The following YLPM1 variants were observed in gnomAD, a reference collection of about 807,000 sequenced individuals.
YLPM1 encodes the protein YLP motif-containing protein 1.
A neutral mutation model predicts 230.0 loss-of-function variants in YLPM1; 99 were observed. That is an observed-to-expected ratio of 0.43 (90% confidence interval 0.37 to 0.51). The LOEUF is 0.51. YLPM1 is among the 20% of genes least tolerant of loss of function. YLPM1 has a pLI of 0.00. For missense variants in YLPM1, 2,592 were observed against 2,707.7 expected (o/e 0.96, Z 0.95); for synonymous variants, 984 against 942.5 (o/e 1.04, Z -0.81).
At chr14:74,811,793 T>G in intron 10 of YLPM1, 55 bp downstream of exon 10, 2 of 1,201,562 alleles carry the variant, frequency 1.7e-6, no homozygotes, top group Non-Finnish European at 2.3e-6. Context: ...GCATGGGAGA[T>G]GCTTTCCATT....
At chr14:74,818,432 A>G in intron 16 of YLPM1, 118 bp downstream of exon 16, 1 of 673,588 alleles carries the variant, frequency 1.5e-6, no homozygotes, top group South Asian at 3.1e-5. Flanking sequence ...AAGAACACCT[A>G]CTGATATGCC....
At chr14:74,816,110 C>T in intron 11 of YLPM1, 93 bp from the exon 12 acceptor site, 1 of 1,166,736 alleles carries the variant, frequency 8.6e-7, no homozygotes, top group Non-Finnish European at 1.2e-6. Context: ...TATAGTCTAT[C>T]CTGGAAAATG....
chr14:74,835,540 C>T (rs770364870), intron 20 of YLPM1, 93 bp downstream of exon 20: 20 of 1,082,326 alleles, frequency 1.8e-5, no homozygotes, highest in Admixed American at 1.0e-4. Flanking sequence ...AAAATGCTCT[C>T]TTCTTGTGTT....
chr14:74,829,128 G>T (rs571504368), intron 18 of YLPM1, 85 bp from the exon 19 acceptor site: 13 of 1,547,078 alleles, frequency 8.4e-6, no homozygotes, highest in Non-Finnish European at 1.1e-5. Flanking sequence ...CTCTGAAAGC[G>T]TTCCAGCCTT....
chr14:74,805,464 C>T (rs113760079), intron 6 of YLPM1, among the ~76,000 whole-genome samples: 2,254 of 151,946 alleles, frequency 0.015, 52 homozygotes, highest in African/African-American at 0.052. Context: ...TCACCTCAGC[C>T]TCCTGAGTAA....
chr14:74,793,369 G>A (rs1172474844), intron 4 of YLPM1, among the ~76,000 whole-genome samples: 1 of 152,018 alleles, frequency 6.6e-6, no homozygotes, highest in Non-Finnish European at 1.5e-5. Flanking sequence ...TGTACTTCCT[G>A]AGATACTTTA....
chr14:74,786,218 C>T (rs959948823), intron 4 of YLPM1, among the ~76,000 whole-genome samples: 3 of 151,896 alleles, frequency 2.0e-5, no homozygotes, highest in African/African-American at 7.3e-5. Flanking sequence ...CTAAAATTAG[C>T]TGGCATGGTA....
chr14:74,823,480 A>G (rs2091539095), intron 17 of YLPM1, among the ~76,000 whole-genome samples: 1 of 152,128 alleles, frequency 6.6e-6, no homozygotes, highest in Admixed American at 6.5e-5. Flanking sequence ...ACACTGGGAA[A>G]TTTGAAAATC....
In YLPM1 at chr14:74,812,790, C is replaced by A. The variant is rs3815629; in HGVS notation, c.5502+8C>A. On this transcript the variant is annotated splice_region_variant and intron_variant, in intron 11 of 20. Coordinates refer to ENST00000325680, the MANE Select transcript of YLPM1 (RefSeq NM_019589.3). ...GAGAGCAGACCTGAGAGAGTGAGTC[C>A]TATGAAGTTGATTCGTCTTCGTGCA... The A allele has an allele frequency of 3.1e-6, 5 of 1,609,932 alleles. No homozygotes were observed. The Admixed American group carries it at 8.4e-5, about 27-fold the overall frequency.
chr14:74,821,416 A>C (rs1288837967), intron 17 of YLPM1: 1 of 261,758 alleles, frequency 3.8e-6, no homozygotes, highest in Non-Finnish European at 7.3e-6. Context: ...ATACCTTTTA[A>C]GAAAATCAAT....
chr14:74,771,328 C>G (rs776194638), intron 1 of YLPM1, among the ~76,000 whole-genome samples: 1 of 152,096 alleles, frequency 6.6e-6, no homozygotes, highest in Non-Finnish European at 1.5e-5. Context: ...ATAGATGAAG[C>G]CTCTCAAGGA....
At position 74,769,259 on chromosome 14, in the gene YLPM1, C is replaced by CTTTTTTTTTT. The variant is rs34023289; in HGVS notation, c.873+4917_873+4926dup. ...CCGGCTAATTTTTTTGTATTTTTAT[C>CTTTTTTTTTT]TTTTTTTTTTTTTTTTTTTTTTTTT... On this transcript the variant is annotated intron_variant, in intron 1 of 20. Coordinates refer to ENST00000325680, the MANE Select transcript of YLPM1 (RefSeq NM_019589.3). Among the ~76,000 whole-genome samples, 29 of 38,410 alleles carry CTTTTTTTTTT rather than the reference C, an allele frequency of 7.6e-4. 2 individuals carry two copies. The highest frequency in any genetic ancestry group is 1.8e-3 in the African/African-American group (24 of 13,604). 25.2% of individuals were successfully genotyped at this position (38,410 alleles called of 152,430 possible).
intron 4 of YLPM1, among the ~76,000 whole-genome samples, chr14:74,785,409 G>A (rs1320674309): frequency 3.3e-5 from 5 of 152,106 alleles, no homozygotes; most frequent in African/African-American, 1.2e-4. Context: ...ACTAGCTTAT[G>A]TCATTGCCAT....
At chr14:74,786,849 C>T (rs2091155485) in intron 4 of YLPM1, among the ~76,000 whole-genome samples, 1 of 152,118 alleles carries the variant, frequency 6.6e-6, no homozygotes, top group Non-Finnish European at 1.5e-5. Flanking sequence ...AGAGTATATA[C>T]ATGTTCTGCG....
In YLPM1 at chr14:74,780,561, A is replaced by T. The variant is rs755242444; in HGVS notation, c.1267A>T (p.Ile423Leu). Residue 423 changes from isoleucine to leucine, a missense_variant, in exon 3 of 21, where the codon ATA (isoleucine) becomes TTA (leucine). Around this residue, in one of 4 missense-constraint regions of YLPM1, gnomAD observed 1,862 missense variants for 1,819.8 expected, o/e 1.02. Coordinates refer to ENST00000325680, the MANE Select transcript of YLPM1 (RefSeq NM_019589.3). ...QQILQQYQQI[I>L]QPPPHIQTMS... ...GATTCTACAACAGTATCAGCAGATT[A>T]TACAGCCCCCACCACATATACAGGC... is the stretch of plus-strand genomic sequence containing the variant. 3 of 1,613,468 alleles carry T rather than the reference A, an allele frequency of 1.9e-6. No homozygotes were observed. Among genetic ancestry groups the T allele is most frequent in the Admixed American group, 1.7e-5 (1 of 59,996 alleles).
chr14:74,798,235 A>G lies in YLPM1; in HGVS notation c.2938A>G (p.Asn980Asp). 1.2e-6 allele frequency: 2 copies of G among 1,613,992 alleles called. No homozygotes were observed. ...AVATSSLTAD[N>D]DFKPVGIGLP... ...AGCAACATCATCATTAACAGCAGAT[A>G]ATGATTTTAAACCTGTGGGTATTGG... is the stretch of plus-strand genomic sequence containing the variant. The change falls in exon 5 of 21, where the codon AAT becomes GAT. Residue 980 changes from asparagine to aspartate, a missense_variant. Physicochemically the swap from Asn to Asp is conservative, Grantham distance 23. This residue lies in a region of YLPM1 where 1,862 missense variants were observed against 1,819.8 expected (regional missense o/e 1.02). Transcript: ENST00000325680.
At chr14:74,764,701 T>C (rs1469929527) in intron 1 of YLPM1, among the ~76,000 whole-genome samples, 1 of 152,222 alleles carries the variant, frequency 6.6e-6, no homozygotes, top group Non-Finnish European at 1.5e-5. Context: ...GTTTTAAAAT[T>C]GTATTTTAAA....
chr14:74,763,548 C>T lies in YLPM1; in HGVS notation c.59C>T (p.Pro20Leu), dbSNP rs769947747. 1.2e-5 allele frequency: 18 copies of T among 1,539,612 alleles called. 1 individual carries two copies. The highest frequency in any genetic ancestry group is 7.2e-5 in the South Asian group (6 of 82,760). Residue 20 changes from proline (P) to leucine (L), a missense_variant, in exon 1 of 21, where the codon CCA becomes CTA. This residue lies in a region of YLPM1 where 1,862 missense variants were observed against 1,819.8 expected (regional missense o/e 1.02). Coordinates refer to ENST00000325680, the MANE Select transcript of YLPM1 (RefSeq NM_019589.3). ...GSSHYPPPPVPPPPPVALPEA... is the reference protein window; with the variant it reads ...GSSHYPPPPVLPPPPVALPEA... ...AGCCACTATCCGCCGCCACCGGTCC[C>T]ACCGCCGCCGCCAGTGGCGCTTCCT... is the stretch of plus-strand genomic sequence containing the variant.
chr14:74,818,036 A>T (rs888263061), intron 15 of YLPM1, among the ~76,000 whole-genome samples, 195 bp from the exon 16 acceptor site: 8 of 151,372 alleles, frequency 5.3e-5, no homozygotes, highest in Admixed American at 6.6e-5. Context: ...AGCCTGGGTG[A>T]CAGACCGAGA....
Sources: gnomAD v4.1 joint callset for allele counts (sites outside exome capture counted in the v4.1 genomes callset) on GRCh38, gnomAD v4.1.1 for gene constraint, gnomAD v4.1.1 regional missense constraint, MANE v1.5 for transcripts, NCBI Gene and HGNC (gene_info 2026-07-23, HGNC 2026-07-21) for gene names.